Variants in PAX2 observed in about 807,000 individuals in gnomAD.
PAX2 encodes the protein paired box 2, also known as paired box protein Pax-2.
A neutral mutation model predicts 41.7 loss-of-function variants in PAX2; 9 were observed. That is an observed-to-expected ratio of 0.22 (90% CI 0.13 to 0.38). The LOEUF (loss-of-function observed/expected upper bound fraction) is 0.38. PAX2 is among the 10% of genes least tolerant of loss of function. The probability of loss-of-function intolerance (pLI) is 1.00; values close to 1 mark genes in which losing one functional copy is unlikely to be tolerated. For synonymous variants in PAX2, 221 were observed against 212.7 expected, an observed-to-expected ratio of 1.04 and a Z score of -0.34; for missense variants, 418 against 531.6, an observed-to-expected ratio of 0.79 and a Z score of 2.10.
chr10:100,745,516 AG>A (rs1761506537), upstream of PAX2, among the ~76,000 whole-genome samples: 1 of 151,692 alleles, frequency 6.6e-6, no homozygotes, highest in Admixed American at 6.5e-5. Context: ...CGGCGCGGGG[AG>A]GGGGAGGAGG....
Position 100,827,635 on chromosome 10 carries a change from C to A in PAX2, c.*16C>A. 1 of 1,614,042 alleles carries A rather than the reference C, an allele frequency of 6.2e-7. No individual in the cohort carries two copies. Among genetic ancestry groups the A allele is most frequent in the South Asian group, 1.1e-5 (1 of 91,088 alleles). The stretch of plus-strand genomic sequence containing the variant: ...CCGCCACTAGTTACCGCGGGGACCA[C>A]ATCAAGCTTCAGGCCGACAGCTTCG... On this transcript the variant is annotated 3_prime_UTR_variant, in exon 10 of 10. Transcript: ENST00000355243. The surrounding 1 kb of genome is among the most constrained non-coding windows in gnomAD (Gnocchi z 8.5).
At chr10:100,796,217 A>G (rs2133929310) in intron 5 of PAX2, among the ~76,000 whole-genome samples, 1 of 152,344 alleles carries the variant, frequency 6.6e-6, no homozygotes, top group African/African-American at 2.4e-5. Flanking sequence ...ACCAGGAGAT[A>G]ACCACTGTTG....
chr10:100,768,102 A>T (rs1350767658), intron 3 of PAX2, among the ~76,000 whole-genome samples: 1 of 151,694 alleles, frequency 6.6e-6, no homozygotes, highest in Non-Finnish European at 1.5e-5. Context: ...CACGATTGTG[A>T]TGTGAAAATC....
chr10:100,746,320 G>A lies in PAX2; in HGVS notation c.43+17G>A, dbSNP rs992730634. On this transcript the variant is annotated intron_variant, in intron 1 of 9. Transcript: ENST00000355243. ...CGATGCACCGTGAGTACCGGCGCCCGGCTCCTGTCCCGGCTCGGGGCTCTC... is the reference window on the plus strand; with the variant it reads ...CGATGCACCGTGAGTACCGGCGCCCAGCTCCTGTCCCGGCTCGGGGCTCTC... 1 of 1,544,660 alleles carries A rather than the reference G, an allele frequency of 6.5e-7. No homozygotes were observed. Among genetic ancestry groups the A allele is most frequent in the Non-Finnish European group, 9.0e-7 (1 of 1,116,624 alleles).
intron 5 of PAX2, among the ~76,000 whole-genome samples, chr10:100,783,854 G>A (rs1028742809): frequency 6.6e-6 from 1 of 152,140 alleles, no homozygotes; most frequent in Non-Finnish European, 1.5e-5. Context: ...TACCTGCTGG[G>A]CCTATCCGGG....
rs997791594 is a variant in PAX2, at chr10:100,826,325, C to T, written c.1022-684C>T. The stretch of plus-strand genomic sequence containing the variant: ...ACAGGAGAAAGGGCGAGGGGGAAAC[C>T]TGGAGGCCTGGCCTTTCTCCCGCAG... On this transcript the variant is annotated intron_variant, in intron 8 of 9. Transcript: ENST00000355243. This position sits in a 1 kb window ranked among gnomAD's most constrained non-coding sequence, Gnocchi z 5.5. Among the ~76,000 whole-genome samples, 1 of 152,004 alleles carries T rather than the reference C, an allele frequency of 6.6e-6. No homozygotes were observed. Among genetic ancestry groups the T allele is most frequent in the East Asian group, 1.9e-4 (1 of 5,158 alleles).
chr10:100,807,895 G>T (rs976037255), intron 6 of PAX2, among the ~76,000 whole-genome samples: 15 of 152,106 alleles, frequency 9.9e-5, no homozygotes, highest in African/African-American at 3.4e-4. Context: ...CTTTCTCCCC[G>T]CCCGTCCTTT....
At chr10:100,746,502 T>C (rs1198646175) in intron 1 of PAX2, among the ~76,000 whole-genome samples, 199 bp downstream of exon 1, 1 of 152,180 alleles carries the variant, frequency 6.6e-6, no homozygotes, top group Non-Finnish European at 1.5e-5. Context: ...CTGTCACCCA[T>C]TCTTACCTCT....
At chr10:100,747,970 A>C in intron 1 of PAX2, 1 of 982,350 alleles carries the variant, frequency 1.0e-6, no homozygotes, top group Non-Finnish European at 1.2e-6. Context: ...ACGGCCAAGC[A>C]GAGGTCGGAG....
At chr10:100,767,908 G>T (rs544292538) in intron 3 of PAX2, among the ~76,000 whole-genome samples, 1 of 152,132 alleles carries the variant, frequency 6.6e-6, no homozygotes, top group African/African-American at 2.4e-5. Flanking sequence ...AATGGAAGGA[G>T]ACTGAAGACA....
chr10:100,763,960 A>C (rs968549228), intron 3 of PAX2, among the ~76,000 whole-genome samples: 1 of 151,828 alleles, frequency 6.6e-6, no homozygotes, highest in Admixed American at 6.6e-5. Context: ...ATAAGTTTTC[A>C]TGAGGGTTAA....
At chr10:100,739,970 C>G (rs901909633) in intron 1 of PAX2, among the ~76,000 whole-genome samples, 1 of 152,228 alleles carries the variant, frequency 6.6e-6, no homozygotes, top group South Asian at 2.1e-4. Context: ...CTCCCAGAGA[C>G]AGGTGGTGGC....
chr10:100,756,358 C>T (rs1363940664), intron 3 of PAX2, among the ~76,000 whole-genome samples: 1 of 152,156 alleles, frequency 6.6e-6, no homozygotes, highest in African/African-American at 2.4e-5. Context: ...ATCTTCACCC[C>T]CTCCTTGTGT....
chr10:100,805,301 T>C lies in PAX2; in HGVS notation c.617-1129T>C, dbSNP rs535500472. Among the ~76,000 whole-genome samples the C allele has an allele frequency of 2.0e-5, 3 of 152,244 alleles. No homozygotes were observed. In the East Asian group the frequency reaches 5.8e-4, roughly 30 times the overall value. On this transcript the variant is annotated intron_variant, in intron 5 of 9. Coordinates refer to ENST00000355243, the MANE Select transcript of PAX2 (RefSeq NM_000278.5). ...TCATATCGTATAATCACCTATAAAC[T>C]GATATATATAACATTCCCAGAGGAA...
rs2133836588 is a variant in PAX2 at position 100,750,856 on chromosome 10, C to G, written c.375C>G (p.Asp125Glu). The G allele has an allele frequency of 6.2e-7, 1 of 1,613,958 alleles. No individual in the cohort carries two copies. Among genetic ancestry groups the G allele is most frequent in the East Asian group, 2.2e-5 (1 of 44,886 alleles). The change falls in exon 3 of 10, where the codon GAC becomes GAG. Residue 125 changes from aspartate (D) to glutamate (E), a missense_variant. Physicochemically the swap from Asp to Glu is conservative, Grantham distance 45. Around this residue, in one of 2 missense-constraint regions of PAX2, gnomAD observed 108 missense variants for 206.3 expected, o/e 0.52. Transcript: ENST00000355243. The surrounding 1 kb of genome is among the most constrained non-coding windows in gnomAD (Gnocchi z 4.1). ...GGCTCCTGGCCGAGGGCATCTGTGA[C>G]AATGACACAGTGCCCAGCGTCTCTT... The part of the protein sequence containing the change: ...RDRLLAEGIC[D>E]NDTVPSVSSI...
chr10:100,827,828 C>G lies in PAX2; in HGVS notation c.*209C>G, dbSNP rs1486055124. 3 of 710,738 alleles carry G rather than the reference C, an allele frequency of 4.2e-6. No homozygotes were observed. The highest frequency in any genetic ancestry group is 6.9e-6 in the Non-Finnish European group (3 of 435,990). 44.0% of individuals were successfully genotyped at this position (710,738 alleles called of 1,614,324 possible). On this transcript the variant is annotated 3_prime_UTR_variant, in exon 10 of 10. Transcript: ENST00000355243. The surrounding 1 kb of genome is among the most constrained non-coding windows in gnomAD (Gnocchi z 8.5). ...GACGGGTGGAGCCGTGGGCGGGACCCTCAGGCCCGGGCCCGCCGCCCCCAG... is the reference window on the plus strand; with the variant it reads ...GACGGGTGGAGCCGTGGGCGGGACCGTCAGGCCCGGGCCCGCCGCCCCCAG...
chr10:100,749,056 C>T (rs930992378), intron 1 of PAX2: 34 of 985,382 alleles, frequency 3.5e-5, no homozygotes, highest in Middle Eastern at 5.2e-4. Context: ...CCTTGCTCTA[C>T]TTCAGATACT....
chr10:100,764,118 T>A (rs1845931631), intron 3 of PAX2, among the ~76,000 whole-genome samples: 1 of 151,968 alleles, frequency 6.6e-6, no homozygotes, highest in Non-Finnish European at 1.5e-5. Flanking sequence ...TTCTGCTTTG[T>A]GTATGCACAA....
intron 5 of PAX2, among the ~76,000 whole-genome samples, 155 bp downstream of exon 5, chr10:100,781,520 G>C (rs1461277345): frequency 2.0e-5 from 3 of 152,250 alleles, no homozygotes; most frequent in African/African-American, 7.2e-5. Context: ...CTCCTGGAGA[G>C]AGGGAGGGTG....
Sources: allele counts gnomAD v4.1 joint callset (sites outside exome capture counted in the v4.1 genomes callset), GRCh38; gene constraint gnomAD v4.1.1; regional missense constraint gnomAD v4.1.1; non-coding constraint Gnocchi (gnomAD v3.1); transcripts MANE v1.5; gene names NCBI Gene and HGNC (gene_info 2026-07-23, HGNC 2026-07-21).